C8orf34: variants seen among roughly 807,000 people sequenced by gnomAD.
C8orf34 encodes chromosome 8 open reading frame 34, also known as uncharacterized protein C8orf34.
C8orf34 carries 65 observed loss-of-function variants against 68.3 expected under a neutral mutation model. The observed-to-expected ratio is 0.95, with a 90% confidence interval of 0.78 to 1.17. The LOEUF (loss-of-function observed/expected upper bound fraction) is 1.17, where lower values mean the gene tolerates loss of function less well. Ranked by LOEUF, C8orf34 falls within the 50% of genes most tolerant of loss-of-function variation. The pLI, the probability that C8orf34 is intolerant of heterozygous loss-of-function variation, is 0.00. For synonymous variants in C8orf34, 244 were observed against 241.2 expected, an observed-to-expected ratio of 1.01 and a Z score of -0.11; for missense variants, 664 against 655.4, an observed-to-expected ratio of 1.01 and a Z score of -0.14.
At chr8:68,509,281 C>T (rs1239428806) in intron 5 of C8orf34, among the ~76,000 whole-genome samples, 1 of 152,056 alleles carries the variant, frequency 6.6e-6, no homozygotes, top group Non-Finnish European at 1.5e-5. Context: ...AGTTTGATTG[C>T]CTGAAGGCAA....
At chr8:68,335,610 A>G (rs1047741279) in intron 1 of C8orf34, among the ~76,000 whole-genome samples, 2 of 152,164 alleles carry the variant, frequency 1.3e-5, no homozygotes, top group Non-Finnish European at 2.9e-5. Context: ...TTTAATTAAC[A>G]TGTTTCTATT....
At chr8:68,729,497 T>C (rs1007404080) in intron 10 of C8orf34, among the ~76,000 whole-genome samples, 5 of 152,198 alleles carry the variant, frequency 3.3e-5, no homozygotes, top group African/African-American at 1.2e-4. Flanking sequence ...GGCCAAATAC[T>C]GTGTCTTCTT....
intron 1 of C8orf34, among the ~76,000 whole-genome samples, chr8:68,435,157 T>G (rs1399076062): frequency 1.3e-5 from 2 of 149,096 alleles, no homozygotes; most frequent in African/African-American, 4.9e-5. Context: ...TGATAAATAT[T>G]GTAATCATAG....
At chr8:68,366,628 A>T (rs1807270885) in intron 1 of C8orf34, among the ~76,000 whole-genome samples, 1 of 151,326 alleles carries the variant, frequency 6.6e-6, no homozygotes, top group African/African-American at 2.4e-5. Flanking sequence ...GATAAACCTG[A>T]GAAAAACAAG....
chr8:68,606,286 G>A (rs1586440045), intron 7 of C8orf34, among the ~76,000 whole-genome samples: 1 of 152,016 alleles, frequency 6.6e-6, no homozygotes, highest in East Asian at 1.9e-4. Flanking sequence ...TTACTAACTG[G>A]GTGCAGGAAT....
intron 1 of C8orf34, among the ~76,000 whole-genome samples, chr8:68,420,059 A>C (rs1474314159): frequency 6.6e-6 from 1 of 151,892 alleles, no homozygotes; most frequent in East Asian, 1.9e-4. Context: ...AGGTTAGTGA[A>C]GGATGACTGG....
At chr8:68,490,356 G>A (rs1424857764) in intron 5 of C8orf34, among the ~76,000 whole-genome samples, 1 of 152,110 alleles carries the variant, frequency 6.6e-6, no homozygotes, top group Non-Finnish European at 1.5e-5. Flanking sequence ...AGCGGCTTTG[G>A]TGTCCACACC....
At chr8:68,559,379 A>T (rs781375005) in intron 7 of C8orf34, among the ~76,000 whole-genome samples, 10 of 152,202 alleles carry the variant, frequency 6.6e-5, no homozygotes, top group Non-Finnish European at 1.2e-4. Context: ...TTAAAGTGCG[A>T]GTGTTTTTTT....
At chr8:68,592,284 C>G (rs888621165) in intron 7 of C8orf34, among the ~76,000 whole-genome samples, 1 of 151,940 alleles carries the variant, frequency 6.6e-6, no homozygotes, top group Non-Finnish European at 1.5e-5. Context: ...ATCAATTTAG[C>G]ATATCTATTT....
At chr8:68,390,791 G>A (rs1156632907) in intron 1 of C8orf34, among the ~76,000 whole-genome samples, 1 of 152,114 alleles carries the variant, frequency 6.6e-6, no homozygotes. Context: ...AGCCAATAGA[G>A]AGTTATTTTA....
intron 9 of C8orf34, among the ~76,000 whole-genome samples, chr8:68,718,473 T>C (rs1821540329): frequency 6.6e-6 from 1 of 152,178 alleles, no homozygotes; most frequent in Non-Finnish European, 1.5e-5. Context: ...AATCCTGCAT[T>C]CTTCACATTC....
Sources: allele counts gnomAD v4.1 joint callset (sites outside exome capture counted in the v4.1 genomes callset), GRCh38; gene constraint gnomAD v4.1.1; transcripts MANE v1.5; gene names NCBI Gene and HGNC (gene_info 2026-07-23, HGNC 2026-07-21).